The following BRI3 variants were observed in gnomAD, a reference collection of about 807,000 sequenced individuals.
BRI3 encodes brain protein I3.
BRI3 carries 6 observed loss-of-function variants against 12.8 expected under a neutral mutation model. The ratio of observed to expected loss-of-function variants is 0.47; its 90% CI spans 0.26 to 0.93. BRI3 has a LOEUF of 0.93. Among genes scored for constraint, BRI3 ranks in the 40% least tolerant of loss-of-function variants. The pLI is 0.15. For synonymous variants in BRI3, 91 were observed against 76.1 expected, an observed-to-expected ratio of 1.20 and a Z score of -1.02; for missense variants, 134 against 171.1, an observed-to-expected ratio of 0.78 and a Z score of 1.21.
At chr7:98,296,720 G>A (rs1255385296), downstream of BRI3, among the ~76,000 whole-genome samples, 3 of 152,240 alleles carry the variant, frequency 2.0e-5, no homozygotes, top group East Asian at 5.8e-4. Flanking sequence ...ACATCTGCAT[G>A]TTTCTCAGGG....
chr7:98,285,782 C>T (rs1332756087), intron 2 of BRI3, among the ~76,000 whole-genome samples: 1 of 152,126 alleles, frequency 6.6e-6, no homozygotes, highest in Non-Finnish European at 1.5e-5. Context: ...TGAACTGTCC[C>T]TAAGCCAGGC....
At position 98,281,833 on chromosome 7, in the gene BRI3, C is replaced by T. The variant is rs1799526160; in HGVS notation, c.38C>T (p.Ala13Val). Residue 13 changes from alanine (A) to valine (V), a missense_variant, in exon 1 of 3, where the codon GCC becomes GTC. By Grantham distance (64) the Ala-to-Val change is moderately conservative. Coordinates refer to ENST00000297290, the MANE Select transcript of BRI3 (RefSeq NM_015379.5). ...CCGCTGCTGCAGGAGCGGCCGCCCGCCTACAACCTGGAGGCCGGCCAGGGC... is the reference window on the plus strand; with the variant it reads ...CCGCTGCTGCAGGAGCGGCCGCCCGTCTACAACCTGGAGGCCGGCCAGGGC... ...HKPLLQERPP[A>V]YNLEAGQGDY... is the part of the protein sequence containing the mutation. 1.6e-6 allele frequency: 2 copies of T among 1,283,400 alleles called. No individual in the cohort carries two copies. Among genetic ancestry groups the T allele is most frequent in the Non-Finnish European group, 2.0e-6 (2 of 1,012,322 alleles). 79.5% of individuals were successfully genotyped at this position (1,283,400 alleles called of 1,614,324 possible).
chr7:98,286,754 G>A (rs964363592), intron 2 of BRI3, among the ~76,000 whole-genome samples: 16 of 152,202 alleles, frequency 1.1e-4, no homozygotes, highest in Non-Finnish European at 1.6e-4. Flanking sequence ...TTGAGGTCTA[G>A]GGCAGTACTG....
the BRI3 span, among the ~76,000 whole-genome samples, chr7:98,322,345 C>T: frequency 1.3e-5 from 2 of 152,184 alleles, no homozygotes; most frequent in African/African-American, 2.4e-5. Flanking sequence ...AACACGACCA[C>T]GCAGACGTCC....
At chr7:98,308,078 G>C (rs1800728895) in exon 2 of BRI3, 1 of 716,340 alleles carries the variant, frequency 1.4e-6, no homozygotes, top group African/African-American at 1.7e-5. Flanking sequence ...GGACTGTTGA[G>C]AAACAGAGGC....
intron 2 of BRI3, among the ~76,000 whole-genome samples, chr7:98,286,270 T>C (rs972950615): frequency 6.6e-6 from 1 of 152,226 alleles, no homozygotes; most frequent in Non-Finnish European, 1.5e-5. Context: ...CAGCCCCCTC[T>C]GTCCTTGGTG....
chr7:98,292,982 CTG>C, downstream of BRI3: 1 of 1,198,386 alleles, frequency 8.3e-7, no homozygotes, highest in South Asian at 3.3e-5. Context: ...TTCTCCATCT[CTG>C]GAAGCTCTAC....
At chr7:98,315,644 T>A in the BRI3 span, 236 of 1,005,824 alleles carry the variant, frequency 2.3e-4, no homozygotes, top group Non-Finnish European at 2.5e-4. Flanking sequence ...TAATAATAAT[T>A]ATATAAGCAT....
At chr7:98,306,972 GA>G (rs1286370063) in intron 1 of BRI3, 3 of 161,726 alleles carry the variant, frequency 1.9e-5, no homozygotes, top group African/African-American at 7.2e-5. Flanking sequence ...AATCTGTCTA[GA>G]AAACTGACAA....
At chr7:98,320,467 C>T in the BRI3 span, among the ~76,000 whole-genome samples, 1 of 152,184 alleles carries the variant, frequency 6.6e-6, no homozygotes, top group Non-Finnish European at 1.5e-5. Context: ...TCCCAAATAG[C>T]TGGATTACAG....
Position 98,281,935 on chromosome 7 carries a change from C to T in BRI3, c.140C>T (p.Thr47Ile). Residue 47 changes from threonine to isoleucine, a missense_variant and splice_region_variant, in exon 1 of 3, where the codon ACA becomes ATA. Transcript: ENST00000297290. ...CCGCCGCCCTACCCCTACCTCGTCA[C>T]AGGTGGGCCCGTAACCAACTTTCCC... ...PPPPPYPYLV[T>I]GIPTHHPRVY... The T allele has an allele frequency of 7.6e-7, 1 of 1,312,574 alleles. No homozygotes were observed. Among genetic ancestry groups the T allele is most frequent in the Non-Finnish European group, 9.7e-7 (1 of 1,033,304 alleles). 81.3% of individuals were successfully genotyped at this position (1,312,574 alleles called of 1,614,324 possible). A position where few individuals can be genotyped will look rare whatever the true frequency, so the allele number is the denominator to read the frequency against.
chr7:98,288,743 C>A (rs1003189394), intron 2 of BRI3, among the ~76,000 whole-genome samples: 1 of 151,938 alleles, frequency 6.6e-6, no homozygotes, highest in African/African-American at 2.4e-5. Context: ...CCCCCTTTTC[C>A]AAATGCATAC....
At chr7:98,311,776 C>G (rs1254806095), downstream of BRI3, among the ~76,000 whole-genome samples, 2 of 151,862 alleles carry the variant, frequency 1.3e-5, no homozygotes, top group Admixed American at 1.3e-4. Context: ...CATGGTGGTG[C>G]GCCCCAGTAA....
intron 2 of BRI3, among the ~76,000 whole-genome samples, chr7:98,290,685 G>C (rs942554237): frequency 6.6e-6 from 1 of 151,804 alleles, no homozygotes; most frequent in Non-Finnish European, 1.5e-5. Context: ...TGTTAGTAGA[G>C]ACAGGGTTTC....
chr7:98,283,164 G>C lies in BRI3; in HGVS notation c.245+711G>C, dbSNP rs143363131. 1.2e-4 allele frequency among the ~76,000 whole-genome samples: 18 copies of C among 152,158 alleles called. 1 individual carries two copies. The East Asian group carries it at 3.5e-3, about 29-fold the overall frequency. ...ATTAAATATAAACCCTTGGCAGCTG[G>C]GGGTGTTCAGATTGCTTAGAAAGTA... On this transcript the variant is annotated intron_variant, in intron 2 of 2. Transcript: ENST00000297290.
upstream of BRI3, among the ~76,000 whole-genome samples, chr7:98,305,617 C>T (rs921830136): frequency 6.6e-6 from 1 of 151,980 alleles, no homozygotes; most frequent in African/African-American, 2.4e-5. Context: ...AGATGGGGAT[C>T]TTGCTATGTT....
downstream of BRI3, chr7:98,292,835 C>A (rs1014932559): frequency 1.1e-5 from 16 of 1,467,712 alleles, no homozygotes; most frequent in African/African-American, 2.0e-4. Flanking sequence ...TGCAGCGAAT[C>A]CGTTGGCGAC....
At chr7:98,283,437 T>TG (rs1247891807) in intron 2 of BRI3, among the ~76,000 whole-genome samples, 1 of 151,346 alleles carries the variant, frequency 6.6e-6, no homozygotes, top group African/African-American at 2.4e-5. Context: ...TGTGGCTGCT[T>TG]GCCTGCACAG....
the BRI3 span, chr7:98,320,053 CTTACG>C: frequency 1.9e-6 from 3 of 1,611,816 alleles, 1 homozygote; most frequent in South Asian, 3.3e-5. Flanking sequence ...AAACCATGCA[CTTACG>C]TTCATATATT....
Sources: allele counts gnomAD v4.1 joint callset (sites outside exome capture counted in the v4.1 genomes callset), GRCh38; gene constraint gnomAD v4.1.1; transcripts MANE v1.5; gene names NCBI Gene and HGNC (gene_info 2026-07-23, HGNC 2026-07-21).